Variants in MUSK observed in about 807,000 individuals in gnomAD.
MUSK encodes muscle associated receptor tyrosine kinase.
MUSK carries 55 observed loss-of-function variants against 88.7 expected under a neutral mutation model. That is an observed-to-expected ratio of 0.62 (90% confidence interval 0.50 to 0.78). MUSK has a LOEUF of 0.78. Among genes scored for constraint, MUSK ranks in the 30% least tolerant of loss-of-function variants. MUSK has a pLI of 0.00. For missense variants in MUSK, 1,015 were observed against 1,074.3 expected (o/e 0.94, Z 0.77); for synonymous variants, 387 against 391.9 (o/e 0.99, Z 0.15).
intron 1 of MUSK, 109 bp downstream of exon 1, chr9:110,669,092 T>G: frequency 1.0e-6 from 1 of 992,638 alleles, no homozygotes; most frequent in Non-Finnish European, 1.6e-6. Context: ...GGGTTTTACT[T>G]GAAGAAGTAA....
chr9:110,754,931 TTCTC>T (rs2131898874), intron 7 of MUSK, among the ~76,000 whole-genome samples: 1 of 152,314 alleles, frequency 6.6e-6, no homozygotes, highest in Admixed American at 6.5e-5. Context: ...AAAATTTAAA[TTCTC>T]TCTAATTTAT....
At chr9:110,719,461 C>T (rs1490815647) in intron 5 of MUSK, among the ~76,000 whole-genome samples, 1 of 151,882 alleles carries the variant, frequency 6.6e-6, no homozygotes, top group Admixed American at 6.6e-5. Context: ...ACAAAACAAA[C>T]TATAGAGCAA....
At chr9:110,685,703 G>T (rs571911782) in intron 2 of MUSK, among the ~76,000 whole-genome samples, 2 of 152,060 alleles carry the variant, frequency 1.3e-5, no homozygotes, top group South Asian at 4.2e-4. Flanking sequence ...ATATTTCTAC[G>T]AATAGTCTGT....
At chr9:110,705,278 A>G (rs1490230878) in intron 5 of MUSK, among the ~76,000 whole-genome samples, 1 of 152,198 alleles carries the variant, frequency 6.6e-6, no homozygotes, top group African/African-American at 2.4e-5. Context: ...ATTGATTCCT[A>G]TGTTGCTTAG....
Position 110,787,843 on chromosome 9 carries a change from GA to G in MUSK, c.1927+9del. 4 of 1,607,550 alleles carry G rather than the reference GA, an allele frequency of 2.5e-6. No individual in the cohort carries two copies. The highest frequency in any genetic ancestry group is 3.4e-6 in the Non-Finnish European group (4 of 1,176,552). ...CTAACATTGTGAAGCTATTAGGTAT[GA>G]AAATACAAGTGAGGATATGTATTTC... On this transcript the variant is annotated splice_donor_region_variant and intron_variant, in intron 14 of 14. Transcript: ENST00000374448.
chr9:110,675,644 A>C (rs2076018044), intron 1 of MUSK, among the ~76,000 whole-genome samples: 2 of 125,350 alleles, frequency 1.6e-5, no homozygotes, highest in South Asian at 5.1e-4. Context: ...GTCTCGGCTC[A>C]CTGCAATCTC....
intron 9 of MUSK, among the ~76,000 whole-genome samples, chr9:110,768,692 A>G (rs1193546868): frequency 2.6e-5 from 4 of 152,186 alleles, no homozygotes; most frequent in Non-Finnish European, 5.9e-5. Context: ...AGAAATCTTA[A>G]ACATGGACCT....
rs374353638 is a variant in MUSK at position 110,731,911 on chromosome 9, GA to G, written c.629-2332del. 2.6e-4 allele frequency among the ~76,000 whole-genome samples: 40 copies of G among 151,146 alleles called. 1 individual carries two copies. In the East Asian group the frequency reaches 3.5e-3, roughly 13 times the overall value. On this transcript the variant is annotated intron_variant, in intron 5 of 14. Coordinates refer to ENST00000374448, the MANE Select transcript of MUSK (RefSeq NM_005592.4). ...ATTCCAAATATAATAACAGCCAAAA[GA>G]AAAAAAACTGCTATAAATTAGGACA...
intron 4 of MUSK, among the ~76,000 whole-genome samples, chr9:110,696,459 G>A (rs998866940): frequency 2.0e-5 from 3 of 152,050 alleles, no homozygotes; most frequent in Admixed American, 1.3e-4. Context: ...GGAATACAAA[G>A]GTGTCACTTT....
chr9:110,751,339 T>C (rs930762944), intron 7 of MUSK, among the ~76,000 whole-genome samples: 1 of 152,070 alleles, frequency 6.6e-6, no homozygotes, highest in African/African-American at 2.4e-5. Flanking sequence ...ACAGGCAGTA[T>C]AGGAAGGCCA....
At chr9:110,708,584 G>T (rs188338717) in intron 5 of MUSK, among the ~76,000 whole-genome samples, 2 of 152,156 alleles carry the variant, frequency 1.3e-5, no homozygotes, top group South Asian at 4.1e-4. Context: ...TTAATAGGAT[G>T]CATGTTCTAA....
intron 6 of MUSK, among the ~76,000 whole-genome samples, chr9:110,740,006 C>A (rs1011256954): frequency 6.6e-6 from 1 of 152,060 alleles, no homozygotes; most frequent in Non-Finnish European, 1.5e-5. Flanking sequence ...CAAATCGGGA[C>A]ACTTTAATAT....
chr9:110,721,447 T>C (rs918496365), intron 5 of MUSK, among the ~76,000 whole-genome samples: 1 of 151,986 alleles, frequency 6.6e-6, no homozygotes, highest in African/African-American at 2.4e-5. Context: ...ACAGCAACAG[T>C]GACCAAGCTG....
At chr9:110,675,215 CTT>C (rs386415865) in intron 1 of MUSK, among the ~76,000 whole-genome samples, 20 of 88,356 alleles carry the variant, frequency 2.3e-4, no homozygotes, top group East Asian at 1.1e-3. Flanking sequence ...CACATTGCCT[CTT>C]TTTTTTTTTT....
At chr9:110,730,200 A>G (rs1035663755) in intron 5 of MUSK, among the ~76,000 whole-genome samples, 2 of 129,958 alleles carry the variant, frequency 1.5e-5, no homozygotes, top group African/African-American at 3.0e-5. Flanking sequence ...AGAGTTAAAT[A>G]TATTACCTTG....
chr9:110,788,555 C>T (rs367615646), intron 14 of MUSK, among the ~76,000 whole-genome samples: 8 of 151,230 alleles, frequency 5.3e-5, no homozygotes, highest in Admixed American at 2.0e-4. Flanking sequence ...TCGCTTACAC[C>T]GGGGGGGCAG....
At chr9:110,719,762 A>G (rs974371052) in intron 5 of MUSK, among the ~76,000 whole-genome samples, 1 of 152,140 alleles carries the variant, frequency 6.6e-6, no homozygotes, top group African/African-American at 2.4e-5. Flanking sequence ...TTTACAGAAC[A>G]TTCTACCCAA....
At position 110,706,861 on chromosome 9, in the gene MUSK, G is replaced by A. The variant is rs144197842; in HGVS notation, c.628+9395G>A. ...TCTACTAAAAATACAAAAATTAGCC[G>A]GGCATGGTGGTGCACACCTGTAATC... On this transcript the variant is annotated intron_variant, in intron 5 of 14. Coordinates refer to ENST00000374448, the MANE Select transcript of MUSK (RefSeq NM_005592.4). 8.8e-3 allele frequency among the ~76,000 whole-genome samples: 1,332 copies of A among 152,056 alleles called. 21 individuals are homozygous for A. The highest frequency in any genetic ancestry group is 0.03 in the African/African-American group (1,263 of 41,468).
Position 110,734,362 on chromosome 9 carries a change from A to G in MUSK, c.740A>G (p.Glu247Gly). 1.2e-6 allele frequency: 2 copies of G among 1,613,202 alleles called. No homozygotes were observed. The highest frequency in any genetic ancestry group is 1.7e-6 in the Non-Finnish European group (2 of 1,179,386). ...CCTGTCCCCACCATCACCTGGATTG[A>G]AAACGGAAATGCTGTGAGTGTCATG... ...GIPVPTITWI[E>G]NGNAVSSGSI... Residue 247 changes from glutamate (E) to glycine (G), a missense_variant, in exon 6 of 15, where the codon GAA becomes GGA. Coordinates refer to ENST00000374448, the MANE Select transcript of MUSK (RefSeq NM_005592.4).
Sources: gnomAD v4.1 joint callset for allele counts (sites outside exome capture counted in the v4.1 genomes callset) on GRCh38, gnomAD v4.1.1 for gene constraint, MANE v1.5 for transcripts, NCBI Gene and HGNC (gene_info 2026-07-23, HGNC 2026-07-21) for gene names.